UBE2W: variants seen among roughly 807,000 people sequenced by gnomAD.
The protein encoded by UBE2W is ubiquitin conjugating enzyme E2 W, also known as ubiquitin-conjugating enzyme E2 W.
In UBE2W, 18 loss-of-function variants were observed where a neutral mutation model predicts 27.2. The ratio of observed to expected loss-of-function variants is 0.66; its 90% CI spans 0.46 to 0.98. The LOEUF (loss-of-function observed/expected upper bound fraction) is 0.98. Ranked by LOEUF, UBE2W falls within the 50% of genes least tolerant of loss-of-function variation. UBE2W has a pLI of 0.00. For synonymous variants in UBE2W, 53 were observed against 57.2 expected (o/e 0.93, Z 0.33); for missense variants, 90 against 180.2 (o/e 0.50, Z 2.87).
At chr8:73,856,357 ATTTTTTTTT>A (rs34593904) in intron 1 of UBE2W, among the ~76,000 whole-genome samples, 2 of 89,366 alleles carry the variant, frequency 2.2e-5, no homozygotes, top group African/African-American at 8.9e-5. Context: ...ACACTTATGA[ATTTTTTTTT>A]TTTTTTTTTT....
downstream of UBE2W, among the ~76,000 whole-genome samples, chr8:73,781,253 CAAT>C (rs1006328677): frequency 3.9e-5 from 5 of 128,290 alleles, no homozygotes; most frequent in African/African-American, 1.5e-4. Flanking sequence ...CTGTGCGACA[CAAT>C]GAGACTCAGT....
intron 2 of UBE2W, among the ~76,000 whole-genome samples, chr8:73,828,499 G>C (rs73689069): frequency 0.034 from 5,166 of 152,206 alleles, 258 homozygotes; most frequent in African/African-American, 0.11. Context: ...ATGTCGAAAT[G>C]AGTATAGTTA....
rs540212477 is a variant in UBE2W, at chr8:73,834,501, G to A, written c.16-4029C>T. 8.5e-5 allele frequency among the ~76,000 whole-genome samples: 13 copies of A among 152,302 alleles called. No homozygotes were observed. The East Asian group carries it at 2.5e-3, about 29-fold the overall frequency. On this transcript the variant is annotated intron_variant, in intron 1 of 5. Coordinates refer to ENST00000602593, the MANE Select transcript of UBE2W (RefSeq NM_018299.6). ...TAAAGAGGTTTCCAAAAATAGCTGA[G>A]CACAGTGATGCATGCCTGTAGTCCC...
At chr8:73,830,237 T>C (rs1810017706) in intron 2 of UBE2W, 144 bp downstream of exon 2, 3 of 556,214 alleles carry the variant, frequency 5.4e-6, no homozygotes, top group African/African-American at 1.9e-5. Context: ...TATATATAAA[T>C]GCACAGAATA....
chr8:73,852,251 T>C (rs1811112681), intron 1 of UBE2W, among the ~76,000 whole-genome samples: 1 of 152,140 alleles, frequency 6.6e-6, no homozygotes, highest in South Asian at 2.1e-4. Flanking sequence ...CTGCCCTCTT[T>C]AGGGTGGGTA....
Position 73,843,114 on chromosome 8 carries a change from T to C in UBE2W, c.16-12642A>G, listed in dbSNP as rs140486327. Among the ~76,000 whole-genome samples the C allele has an allele frequency of 2.2e-3, 336 of 152,284 alleles. 1 individual carries two copies. The highest frequency in any genetic ancestry group is 6.6e-3 in the African/African-American group (273 of 41,558). On this transcript the variant is annotated intron_variant, in intron 1 of 5. Coordinates refer to ENST00000602593, the MANE Select transcript of UBE2W (RefSeq NM_018299.6). ...TGTATGATATCACTGATATGAAATGTCTATAACAGTCAAATCTGTAGAGAT... is the reference window on the plus strand; with the variant it reads ...TGTATGATATCACTGATATGAAATGCCTATAACAGTCAAATCTGTAGAGAT...
intron 3 of UBE2W, among the ~76,000 whole-genome samples, chr8:73,821,546 A>T (rs1340799021): frequency 6.0e-4 from 5 of 8,322 alleles, no homozygotes; most frequent in African/African-American, 3.6e-3. Context: ...GGGGTGTGGG[A>T]GTGTGTGTGT....
At chr8:73,820,719 G>A (rs1289587239) in intron 3 of UBE2W, among the ~76,000 whole-genome samples, 1 of 151,856 alleles carries the variant, frequency 6.6e-6, no homozygotes, top group Non-Finnish European at 1.5e-5. Flanking sequence ...TCCAGCCTGG[G>A]CAACAGAGCG....
rs7005231 is a variant in UBE2W at position 73,834,519 on chromosome 8, G to A, written c.16-4047C>T. Among the ~76,000 whole-genome samples, 402 of 152,340 alleles carry A rather than the reference G, an allele frequency of 2.6e-3. 1 individual carries two copies. The highest frequency in any genetic ancestry group is 9.2e-3 in the African/African-American group (382 of 41,574). ...TAGCTGAGCACAGTGATGCATGCCT[G>A]TAGTCCCAGCTACTCAGGGGGCTGA... On this transcript the variant is annotated intron_variant, in intron 1 of 5. Coordinates refer to ENST00000602593, the MANE Select transcript of UBE2W (RefSeq NM_018299.6).
At chr8:73,872,806 T>C (rs1489075156) in intron 1 of UBE2W, among the ~76,000 whole-genome samples, 2 of 152,158 alleles carry the variant, frequency 1.3e-5, no homozygotes, top group African/African-American at 4.8e-5. Flanking sequence ...TTATGTATCA[T>C]ATTTTAAAAA....
chr8:73,811,419 G>C (rs750604126), intron 3 of UBE2W, among the ~76,000 whole-genome samples: 1 of 152,024 alleles, frequency 6.6e-6, no homozygotes, highest in Non-Finnish European at 1.5e-5. Flanking sequence ...AAGCAAATAG[G>C]CAGGAGAATA....
In UBE2W at chr8:73,813,083, C is replaced by CAAAAAAAAAAAAAAAAAAAA. The variant is rs56094830; in HGVS notation, c.211-2474_211-2455dup. ...GAAGAATAGTGATCTGAAAGTGCCA[C>CAAAAAAAAAAAAAAAAAAAA]AAAAAAAAAAAAAAAAAAAAAAAAA... is the stretch of plus-strand genomic sequence containing the variant. On this transcript the variant is annotated intron_variant, in intron 3 of 5. Transcript: ENST00000602593. 9.2e-5 allele frequency among the ~76,000 whole-genome samples: 4 copies of CAAAAAAAAAAAAAAAAAAAA among 43,430 alleles called. 1 individual carries two copies. Among genetic ancestry groups the CAAAAAAAAAAAAAAAAAAAA allele is most frequent in the Non-Finnish European group, 1.6e-4 (4 of 24,638 alleles). 28.5% of individuals were successfully genotyped at this position (43,430 alleles called of 152,430 possible). A position where few individuals can be genotyped will look rare whatever the true frequency, so the allele number is the denominator to read the frequency against.
Position 73,788,544 on chromosome 8 carries a change from A to C in UBE2W, c.*5558T>G. ...TAAACAATCTGTGGTTAACTATGAA[A>C]AGATGCATTTTCATGGTATCTGACA... On this transcript the variant is annotated 3_prime_UTR_variant, in exon 6 of 6. Coordinates refer to ENST00000602593, the MANE Select transcript of UBE2W (RefSeq NM_018299.6). The C allele has an allele frequency of 1.0e-6, 1 of 985,394 alleles. No homozygotes were observed. Among genetic ancestry groups the C allele is most frequent in the Non-Finnish European group, 1.2e-6 (1 of 829,916 alleles). 61.0% of individuals were successfully genotyped at this position (985,394 alleles called of 1,614,324 possible).
chr8:73,809,811 G>A (rs541634211), intron 4 of UBE2W, among the ~76,000 whole-genome samples: 4 of 152,106 alleles, frequency 2.6e-5, no homozygotes, highest in African/African-American at 4.8e-5. Context: ...ACTCCTGACC[G>A]CAGGTGATTC....
intron 3 of UBE2W, among the ~76,000 whole-genome samples, chr8:73,824,454 CA>C (rs1247757392): frequency 1.3e-5 from 2 of 152,214 alleles, no homozygotes; most frequent in Non-Finnish European, 2.9e-5. Flanking sequence ...CTCCTTCCAA[CA>C]GAGAACTTTT....
Position 73,794,120 on chromosome 8 carries a change from A to C in UBE2W, c.443-5T>G. On this transcript the variant is annotated splice_region_variant and splice_polypyrimidine_tract_variant and intron_variant, in intron 5 of 5. Coordinates refer to ENST00000602593, the MANE Select transcript of UBE2W (RefSeq NM_018299.6). ...AGTGGCATCAACAAGTATCATCTTT[A>C]AGAAAAGGAGAAAAAAGATAATTAA... is the stretch of plus-strand genomic sequence containing the variant. The C allele has an allele frequency of 6.2e-7, 1 of 1,613,222 alleles. No individual in the cohort carries two copies. The highest frequency in any genetic ancestry group is 8.5e-7 in the Non-Finnish European group (1 of 1,179,582).
chr8:73,805,907 T>G (rs1808884035), intron 4 of UBE2W, among the ~76,000 whole-genome samples, 181 bp from the exon 5 acceptor site: 1 of 152,138 alleles, frequency 6.6e-6, no homozygotes, highest in Non-Finnish European at 1.5e-5. Context: ...AACACCTAAA[T>G]TTAAAAAAGG....
In UBE2W at chr8:73,878,841, A is replaced by C. The variant is rs368976566; in HGVS notation, c.-19T>G. 7.7e-4 allele frequency: 1,197 copies of C among 1,548,942 alleles called. No homozygotes were observed. Among genetic ancestry groups the C allele is most frequent in the Non-Finnish European group, 9.3e-4 (1,060 of 1,145,606 alleles). ...ACGCCATGATGGAACCATCCCCCCAAGACCGGCGAGGCCAGAGACGCAGGG... is the reference window on the plus strand; with the variant it reads ...ACGCCATGATGGAACCATCCCCCCACGACCGGCGAGGCCAGAGACGCAGGG... On this transcript the variant is annotated 5_prime_UTR_variant, in exon 1 of 6. Transcript: ENST00000602593.
intron 1 of UBE2W, among the ~76,000 whole-genome samples, chr8:73,853,523 T>C (rs2130954813): frequency 6.6e-6 from 1 of 152,248 alleles, no homozygotes. Flanking sequence ...AGCCTCAAAA[T>C]GCACTGGGAT....
Sources: allele counts gnomAD v4.1 joint callset (sites outside exome capture counted in the v4.1 genomes callset), GRCh38; gene constraint gnomAD v4.1.1; transcripts MANE v1.5; gene names NCBI Gene and HGNC (gene_info 2026-07-23, HGNC 2026-07-21).